The following ROBO2 variants were observed in gnomAD, a reference collection of about 807,000 sequenced individuals.
ROBO2 encodes roundabout guidance receptor 2, also known as roundabout homolog 2.
A neutral mutation model predicts 160.8 loss-of-function variants in ROBO2; 53 were observed. That is an observed-to-expected ratio of 0.33 (90% CI 0.26 to 0.41). ROBO2 has a LOEUF of 0.41. Among genes scored for constraint, ROBO2 ranks in the 10% least tolerant of loss-of-function variants. The probability of loss-of-function intolerance (pLI) is 1.00; values close to 1 mark genes in which losing one functional copy is unlikely to be tolerated. For missense variants in ROBO2, 1,577 were observed against 1,722.4 expected (o/e 0.92, Z 1.49); for synonymous variants, 664 against 611.7 (o/e 1.09, Z -1.26).
chr3:77,197,004 A>G (rs1344918585), intron 2 of ROBO2, among the ~76,000 whole-genome samples: 1 of 152,012 alleles, frequency 6.6e-6, no homozygotes, highest in African/African-American at 2.4e-5. Flanking sequence ...AAAAAACAAG[A>G]AAAAGAAAAA....
chr3:76,292,688 T>G (rs941498350), intron 2 of ROBO2, among the ~76,000 whole-genome samples: 2 of 152,098 alleles, frequency 1.3e-5, no homozygotes, highest in Admixed American at 1.3e-4. Flanking sequence ...AAAAATCCCT[T>G]CATGCAACTT....
At chr3:76,884,726 A>G (rs2073709745) in intron 2 of ROBO2, among the ~76,000 whole-genome samples, 1 of 152,180 alleles carries the variant, frequency 6.6e-6, no homozygotes, top group South Asian at 2.1e-4. Flanking sequence ...ATTAGATTAT[A>G]TTTTAATCTT....
chr3:75,953,785 A>G (rs904156260), intron 2 of ROBO2, among the ~76,000 whole-genome samples: 1 of 151,916 alleles, frequency 6.6e-6, no homozygotes, highest in Non-Finnish European at 1.5e-5. Context: ...TCAATTCAAG[A>G]ACAGATTACT....
chr3:76,329,770 G>A (rs760103126), intron 2 of ROBO2, among the ~76,000 whole-genome samples: 25 of 152,166 alleles, frequency 1.6e-4, no homozygotes, highest in Non-Finnish European at 3.4e-4. Flanking sequence ...ATTTCTTCAA[G>A]TTAAACATGT....
chr3:77,556,829 T>C (rs2093140056), intron 8 of ROBO2, among the ~76,000 whole-genome samples: 1 of 151,926 alleles, frequency 6.6e-6, no homozygotes, highest in Admixed American at 6.6e-5. Flanking sequence ...ATGTATTTTA[T>C]ATGTTACATA....
intron 4 of ROBO2, among the ~76,000 whole-genome samples, chr3:77,486,802 T>G (rs1182448757): frequency 6.6e-6 from 1 of 152,170 alleles, no homozygotes; most frequent in African/African-American, 2.4e-5. Flanking sequence ...GATGCTTCTC[T>G]GCCTTTATTT....
intron 2 of ROBO2, among the ~76,000 whole-genome samples, chr3:76,194,334 T>G (rs1702143110): frequency 7.3e-6 from 1 of 136,512 alleles, no homozygotes; most frequent in African/African-American, 2.7e-5. Context: ...TATATCTATA[T>G]AAATATGTAT....
chr3:76,374,662 C>G (rs2076257255), intron 2 of ROBO2, among the ~76,000 whole-genome samples: 2 of 152,060 alleles, frequency 1.3e-5, no homozygotes, highest in South Asian at 4.1e-4. Flanking sequence ...TGTCCAACCC[C>G]TTAGCCTCTG....
chr3:77,235,711 A>G (rs2151316486), intron 2 of ROBO2, among the ~76,000 whole-genome samples: 1 of 152,364 alleles, frequency 6.6e-6, no homozygotes, highest in East Asian at 1.9e-4. Context: ...TGGAAAAATT[A>G]AACCTCTTTC....
chr3:76,228,420 T>A (rs1704422712), intron 2 of ROBO2, among the ~76,000 whole-genome samples: 1 of 151,652 alleles, frequency 6.6e-6, no homozygotes, highest in African/African-American at 2.4e-5. Flanking sequence ...TTTATCTTAG[T>A]TTTTCCAAAA....
chr3:76,655,919 A>G (rs950419121), intron 2 of ROBO2, among the ~76,000 whole-genome samples: 3 of 152,090 alleles, frequency 2.0e-5, no homozygotes, highest in Non-Finnish European at 4.4e-5. Flanking sequence ...CATATATACA[A>G]CAGACTTAAT....
chr3:77,072,416 A>T (rs1486859570), intron 1 of ROBO2, among the ~76,000 whole-genome samples: 2 of 152,120 alleles, frequency 1.3e-5, no homozygotes, highest in African/African-American at 4.8e-5. Context: ...GTGTCACCTG[A>T]AAAACCAGTT....
chr3:77,583,155 A>C (rs1443659071), intron 16 of ROBO2, among the ~76,000 whole-genome samples: 6 of 149,696 alleles, frequency 4.0e-5, no homozygotes, highest in Non-Finnish European at 5.9e-5. Context: ...GTCTCTCCAA[A>C]AAAAAAAAAA....
At chr3:77,577,370 A>G in intron 14 of ROBO2, 120 bp from the exon 16 acceptor site, 2 of 1,231,076 alleles carry the variant, frequency 1.6e-6, no homozygotes, top group Admixed American at 1.8e-5. Context: ...CACCGTGTGC[A>G]TTCAGAACTC....
chr3:76,885,087 T>C (rs2073743135), intron 2 of ROBO2, among the ~76,000 whole-genome samples: 5 of 152,260 alleles, frequency 3.3e-5, no homozygotes, highest in Admixed American at 2.6e-4. Context: ...ATTTAAGGCT[T>C]TCTTGAGACT....
chr3:76,542,024 C>A (rs143010400), intron 2 of ROBO2, among the ~76,000 whole-genome samples: 26 of 152,236 alleles, frequency 1.7e-4, no homozygotes, highest in Admixed American at 5.9e-4. Flanking sequence ...CTCCTCTCTG[C>A]CACTAAAGTG....
intron 2 of ROBO2, among the ~76,000 whole-genome samples, chr3:76,427,965 A>G (rs2076285977): frequency 6.6e-6 from 1 of 152,204 alleles, no homozygotes; most frequent in Non-Finnish European, 1.5e-5. Flanking sequence ...TAGAATTTAC[A>G]GGTTTAAAAA....
intron 2 of ROBO2, among the ~76,000 whole-genome samples, chr3:77,318,235 T>A (rs2064276720): frequency 6.6e-6 from 1 of 151,992 alleles, no homozygotes; most frequent in Admixed American, 6.5e-5. Context: ...GGTTTCGCCA[T>A]GTTGGCCCGG....
chr3:76,306,259 A>AT (rs567145986), intron 2 of ROBO2, among the ~76,000 whole-genome samples: 2 of 151,848 alleles, frequency 1.3e-5, no homozygotes, highest in South Asian at 2.1e-4. Flanking sequence ...AATTTGATGT[A>AT]TTTTTTTTCA....
Sources: gnomAD v4.1 joint callset for allele counts (sites outside exome capture counted in the v4.1 genomes callset) on GRCh38, gnomAD v4.1.1 for gene constraint, MANE v1.5 for transcripts, NCBI Gene and HGNC (gene_info 2026-07-23, HGNC 2026-07-21) for gene names.